CAT: variants seen among roughly 807,000 people sequenced by gnomAD.
The protein encoded by CAT is epididymis secretory sperm binding protein.
CAT carries 43 observed loss-of-function variants against 59.0 expected under a neutral mutation model. That is an observed-to-expected ratio of 0.73 (90% CI 0.57 to 0.94). The LOEUF is 0.94. Ranked by LOEUF, CAT falls within the 40% of genes least tolerant of loss-of-function variation. The pLI is 0.00. For missense variants in CAT, 664 were observed against 682.9 expected, an observed-to-expected ratio of 0.97 and a Z score of 0.31; for synonymous variants, 218 against 230.9, an observed-to-expected ratio of 0.94 and a Z score of 0.51.
Position 34,452,126 on chromosome 11 carries a change from A to G in CAT, c.399A>G (p.Ala133=), listed in dbSNP as rs372483558. 2 of 1,613,720 alleles carry G rather than the reference A, an allele frequency of 1.2e-6. No individual in the cohort carries two copies. Among genetic ancestry groups the G allele is most frequent in the African/African-American group, 2.7e-5 (2 of 74,888 alleles). Residue 133 remains alanine, a synonymous_variant, in exon 4 of 13, where the codon GCA becomes GCG. Transcript: ENST00000241052. ...ADTVRDPRGF[A]VKFYTEDGNW... The stretch of plus-strand genomic sequence containing the variant: ...CAGTTCGGGACCCTCGTGGGTTTGC[A>G]GTGAAATTTTACACAGAAGATGGTA...
Position 34,471,306 on chromosome 11 carries a change from A to G in CAT, c.1519-62A>G. ...TTCATTTGCATACATATTAAAACTGAGTAAATATCACGTTGCTGCCCATGA... is the reference window on the plus strand; with the variant it reads ...TTCATTTGCATACATATTAAAACTGGGTAAATATCACGTTGCTGCCCATGA... On this transcript the variant is annotated intron_variant, in intron 12 of 12. Transcript: ENST00000241052. The G allele has an allele frequency of 2.4e-6, 3 of 1,250,702 alleles. No individual in the cohort carries two copies. In the South Asian group the frequency reaches 3.6e-5, roughly 15 times the overall value. 77.5% of individuals were successfully genotyped at this position (1,250,702 alleles called of 1,614,324 possible). A position where few individuals can be genotyped will look rare whatever the true frequency, so the allele number is the denominator to read the frequency against.
rs748703348 is a variant in CAT at position 34,456,674 on chromosome 11, C to T, written c.913C>T (p.His305Tyr). 3 of 1,613,974 alleles carry T rather than the reference C, an allele frequency of 1.9e-6. No individual in the cohort carries two copies. Among genetic ancestry groups the T allele is most frequent in the Non-Finnish European group, 1.7e-6 (2 of 1,179,940 alleles). Residue 305 changes from histidine to tyrosine, a missense_variant, in exon 8 of 13, where the codon CAC (histidine) becomes TAC (tyrosine). Physicochemically the swap from His to Tyr is moderately conservative, Grantham distance 83. Coordinates refer to ENST00000241052, the MANE Select transcript of CAT (RefSeq NM_001752.4). ...ATGACATCATTTTCAGGTTTGGCCT[C>T]ACAAGGACTACCCTCTCATCCCAGT... ...NPFDLTKVWP[H>Y]KDYPLIPVGK... is the part of the protein sequence containing the mutation.
At chr11:34,450,849 T>C in intron 2 of CAT, 139 bp from the exon 3 acceptor site, 1 of 764,172 alleles carries the variant, frequency 1.3e-6, no homozygotes, top group Non-Finnish European at 2.4e-6. Context: ...TTTGGGCATT[T>C]CCCCTTCCTC....
intron 11 of CAT, among the ~76,000 whole-genome samples, chr11:34,468,827 G>A (rs1164457946): frequency 1.3e-5 from 2 of 152,168 alleles, no homozygotes; most frequent in Admixed American, 6.5e-5. Context: ...TGGGAGGATC[G>A]CTTGAGCCCA....
intron 9 of CAT, among the ~76,000 whole-genome samples, chr11:34,463,265 A>T (rs1266372713): frequency 1.3e-5 from 2 of 152,218 alleles, no homozygotes; most frequent in African/African-American, 4.8e-5. Context: ...CTTATAATTT[A>T]TTTCAAAAGT....
intron 11 of CAT, 105 bp downstream of exon 11, chr11:34,468,500 TAA>T: frequency 2.6e-6 from 2 of 771,860 alleles, no homozygotes; most frequent in Non-Finnish European, 4.4e-6. Context: ...TTACTTGACT[TAA>T]GAGAACTTAA....
At chr11:34,466,394 C>T (rs1315760922) in intron 10 of CAT, among the ~76,000 whole-genome samples, 1 of 152,164 alleles carries the variant, frequency 6.6e-6, no homozygotes, top group African/African-American at 2.4e-5. Context: ...AAAAAACCCC[C>T]TACAAACTGA....
intron 11 of CAT, among the ~76,000 whole-genome samples, chr11:34,469,721 A>G (rs957687669): frequency 6.6e-6 from 1 of 151,596 alleles, no homozygotes; most frequent in African/African-American, 2.4e-5. Flanking sequence ...GCTGGACTGC[A>G]GTGGCATGAT....
Position 34,456,231 on chromosome 11 carries a change from CTTTT to C in CAT, c.903+32_903+35del. On this transcript the variant is annotated intron_variant, in intron 7 of 12. Coordinates refer to ENST00000241052, the MANE Select transcript of CAT (RefSeq NM_001752.4). ...AGTCAGTAAACAACTATATTGTTTT[CTTTT>C]TTAAGTCTCTTCTTACCTAATTAGA... The C allele has an allele frequency of 2.6e-6, 4 of 1,552,006 alleles. No individual in the cohort carries two copies. In the South Asian group the frequency reaches 4.5e-5, roughly 17 times the overall value.
rs747506413 is a variant in CAT, at chr11:34,456,151, G to A, written c.852G>A (p.Met284Ile). 4 of 1,613,986 alleles carry A rather than the reference G, an allele frequency of 2.5e-6. No homozygotes were observed. The highest frequency in any genetic ancestry group is 3.4e-6 in the Non-Finnish European group (4 of 1,180,006). The change falls in exon 7 of 13, where the codon ATG (methionine) becomes ATA (isoleucine). Residue 284 changes from methionine (M) to isoleucine (I), a missense_variant. Coordinates refer to ENST00000241052, the MANE Select transcript of CAT (RefSeq NM_001752.4). ...YPSWTFYIQV[M>I]TFNQAETFPF... The stretch of plus-strand genomic sequence containing the variant: ...CCTGGACTTTTTACATCCAGGTCAT[G>A]ACATTTAATCAGGCAGAAACTTTTC...
intron 11 of CAT, 64 bp from the exon 12 acceptor site, chr11:34,470,894 T>G (rs1193819355): frequency 8.2e-6 from 11 of 1,334,378 alleles, no homozygotes; most frequent in Non-Finnish European, 1.2e-5. Flanking sequence ...GAAACCACAG[T>G]CCCTGGGGAG....
At chr11:34,469,004 A>C (rs905489357) in intron 11 of CAT, among the ~76,000 whole-genome samples, 1 of 152,228 alleles carries the variant, frequency 6.6e-6, no homozygotes, top group Non-Finnish European at 1.5e-5. Flanking sequence ...AGAAATTTGC[A>C]TGATTTCTGG....
intron 1 of CAT, among the ~76,000 whole-genome samples, chr11:34,444,684 G>A (rs1290967411): frequency 6.6e-6 from 1 of 152,218 alleles, no homozygotes; most frequent in African/African-American, 2.4e-5. Context: ...GGAAGAATAT[G>A]TTTAGGTTCT....
Position 34,438,965 on chromosome 11 carries a change from C to T in CAT, c.-49C>T, listed in dbSNP as rs1856349328. On this transcript the variant is annotated 5_prime_UTR_variant, in exon 1 of 13. Transcript: ENST00000241052. ...CAGATTTGCCTGCTGAGGGTGGAGA[C>T]CCACGAGCCGAGGCCTCCTGCAGTG... 1 of 1,511,286 alleles carries T rather than the reference C, an allele frequency of 6.6e-7. No individual in the cohort carries two copies. Among genetic ancestry groups the T allele is most frequent in the Non-Finnish European group, 9.0e-7 (1 of 1,109,552 alleles). The allele number at this position is 1,511,286 out of a possible 1,614,324, so 93.6% of individuals were successfully genotyped here.
chr11:34,447,887 G>A (rs1489745193), intron 1 of CAT, among the ~76,000 whole-genome samples: 1 of 152,168 alleles, frequency 6.6e-6, no homozygotes, highest in Non-Finnish European at 1.5e-5. Flanking sequence ...GCTGGTAATT[G>A]GTAGAACTGG....
At chr11:34,448,020 C>T (rs971641314) in intron 1 of CAT, among the ~76,000 whole-genome samples, 2 of 152,142 alleles carry the variant, frequency 1.3e-5, no homozygotes, top group African/African-American at 4.8e-5. Flanking sequence ...GTGAGAGGGT[C>T]TTGTTTATTA....
At chr11:34,448,270 G>A (rs908286393) in intron 1 of CAT, among the ~76,000 whole-genome samples, 1 of 152,190 alleles carries the variant, frequency 6.6e-6, no homozygotes, top group Admixed American at 6.5e-5. Context: ...GTTGAGTTTT[G>A]TCATAGACAG....
rs113919525 is a variant in CAT, at chr11:34,451,116, C to A, written c.349+18C>A. ...CACTGTTGGTAAGTTGGTTTATTGG[C>A]GTGATTGGTATGGCTTAACTCAACT... is the stretch of plus-strand genomic sequence containing the variant. On this transcript the variant is annotated intron_variant, in intron 3 of 12. Transcript: ENST00000241052. 4 of 1,403,876 alleles carry A rather than the reference C, an allele frequency of 2.8e-6. No individual in the cohort carries two copies. Among genetic ancestry groups the A allele is most frequent in the African/African-American group, 2.8e-5 (2 of 70,866 alleles). The allele number at this position is 1,403,876 out of a possible 1,614,324, so 87.0% of individuals were successfully genotyped here.
chr11:34,469,096 G>A (rs1856749124), intron 11 of CAT, among the ~76,000 whole-genome samples: 1 of 152,200 alleles, frequency 6.6e-6, no homozygotes, highest in Non-Finnish European at 1.5e-5. Flanking sequence ...CGCTCATCGA[G>A]CTGAGTGAAG....
Sources: allele counts gnomAD v4.1 joint callset (sites outside exome capture counted in the v4.1 genomes callset), GRCh38; gene constraint gnomAD v4.1.1; transcripts MANE v1.5; gene names NCBI Gene and HGNC (gene_info 2026-07-23, HGNC 2026-07-21).